The following FGGY variants were observed in gnomAD, a reference collection of about 807,000 sequenced individuals.
FGGY encodes the protein FGGY carbohydrate kinase domain-containing protein.
A neutral mutation model predicts 71.3 loss-of-function variants in FGGY; 72 were observed. The observed-to-expected ratio is 1.01, with a 90% CI of 0.84 to 1.23. The LOEUF is 1.23. FGGY is among the 50% of genes most tolerant of loss of function. The pLI is 0.00. For missense variants in FGGY, 668 were observed against 682.3 expected, an observed-to-expected ratio of 0.98 and a Z score of 0.23; for synonymous variants, 251 against 250.3, an observed-to-expected ratio of 1.00 and a Z score of -0.02.
At chr1:59,533,557 C>CG (rs1553268420) in intron 7 of FGGY, among the ~76,000 whole-genome samples, 3 of 151,978 alleles carry the variant, frequency 2.0e-5, no homozygotes, top group Non-Finnish European at 4.4e-5. Context: ...AGGGAACAGA[C>CG]AAAAAGACAG....
At chr1:59,738,910 C>T (rs936793450) in intron 14 of FGGY, among the ~76,000 whole-genome samples, 7 of 152,204 alleles carry the variant, frequency 4.6e-5, no homozygotes, top group African/African-American at 7.2e-5. Flanking sequence ...TTCCCAGCTT[C>T]GTAGCTCTGA....
At chr1:59,704,324 C>A (rs1051985986) in intron 14 of FGGY, among the ~76,000 whole-genome samples, 1 of 152,040 alleles carries the variant, frequency 6.6e-6, no homozygotes, top group Admixed American at 6.6e-5. Flanking sequence ...TTCTTTAGAT[C>A]ATTGAAAAAT....
chr1:59,743,347 C>T (rs1573942201), intron 14 of FGGY, among the ~76,000 whole-genome samples: 1 of 152,196 alleles, frequency 6.6e-6, no homozygotes, highest in African/African-American at 2.4e-5. Context: ...GTTTCTCCAG[C>T]AGGCTTTAAA....
intron 4 of FGGY, among the ~76,000 whole-genome samples, chr1:59,367,853 A>C (rs920759772): frequency 2.0e-5 from 3 of 152,110 alleles, no homozygotes; most frequent in Non-Finnish European, 2.9e-5. Flanking sequence ...GTGAGCTTTG[A>C]GTAGTAGCCT....
intron 6 of FGGY, among the ~76,000 whole-genome samples, chr1:59,504,165 G>A (rs1019172889): frequency 9.9e-5 from 15 of 152,014 alleles, no homozygotes; most frequent in Admixed American, 3.3e-4. Context: ...GGATGTTCCT[G>A]GAGGGTGGAG....
chr1:59,471,483 T>A (rs1270846333), intron 6 of FGGY, among the ~76,000 whole-genome samples: 1 of 152,228 alleles, frequency 6.6e-6, no homozygotes, highest in Non-Finnish European at 1.5e-5. Flanking sequence ...TGATCTTACC[T>A]TATCCTCTTA....
At chr1:59,576,338 G>A (rs538761712) in intron 8 of FGGY, among the ~76,000 whole-genome samples, 14 of 152,136 alleles carry the variant, frequency 9.2e-5, no homozygotes, top group African/African-American at 3.1e-4. Context: ...TCATAAGCAG[G>A]AGTTGAACAG....
intron 11 of FGGY, chr1:59,641,278 A>G (rs2097023941): frequency 1.2e-6 from 2 of 1,609,044 alleles, no homozygotes; most frequent in Non-Finnish European, 1.7e-6. Flanking sequence ...CGGATTTCTC[A>G]GAGAACCACT....
chr1:59,438,877 T>C (rs1436539705), intron 5 of FGGY, among the ~76,000 whole-genome samples: 1 of 152,208 alleles, frequency 6.6e-6, no homozygotes, highest in Non-Finnish European at 1.5e-5. Context: ...ATTTCCTCAG[T>C]ACCCCTAGCT....
chr1:59,538,090 C>A (rs1482816444), intron 7 of FGGY, among the ~76,000 whole-genome samples: 4 of 152,150 alleles, frequency 2.6e-5, no homozygotes, highest in Admixed American at 6.5e-5. Flanking sequence ...ATTTTCACAA[C>A]CTGCTCATCT....
intron 5 of FGGY, among the ~76,000 whole-genome samples, chr1:59,434,489 A>G (rs1264692527): frequency 6.6e-6 from 1 of 152,218 alleles, no homozygotes; most frequent in Non-Finnish European, 1.5e-5. Flanking sequence ...CAGGGTAGGG[A>G]GGGGCCCAAG....
chr1:59,489,824 A>T (rs938116862), intron 6 of FGGY, among the ~76,000 whole-genome samples: 4 of 152,148 alleles, frequency 2.6e-5, no homozygotes, highest in African/African-American at 4.8e-5. Flanking sequence ...TCTAGTTTAC[A>T]TTCCCACCAA....
chr1:59,435,005 T>C (rs1465963399), intron 5 of FGGY, among the ~76,000 whole-genome samples: 2 of 152,120 alleles, frequency 1.3e-5, no homozygotes, highest in Non-Finnish European at 2.9e-5. Flanking sequence ...ATATAAATAC[T>C]GGGACAGATG....
chr1:59,728,139 A>G (rs1256975303), intron 14 of FGGY, among the ~76,000 whole-genome samples: 1 of 152,034 alleles, frequency 6.6e-6, no homozygotes, highest in East Asian at 1.9e-4. Context: ...TTTCACTGGT[A>G]TTCATCAGGC....
intron 6 of FGGY, among the ~76,000 whole-genome samples, chr1:59,460,609 T>A (rs963051562): frequency 6.6e-6 from 1 of 152,274 alleles, no homozygotes; most frequent in South Asian, 2.1e-4. Flanking sequence ...CTCAAGTGGG[T>A]CCCTCACCCC....
intron 5 of FGGY, among the ~76,000 whole-genome samples, chr1:59,420,371 A>T (rs2065202945): frequency 6.6e-6 from 1 of 152,214 alleles, no homozygotes. Flanking sequence ...GACCCACATT[A>T]GTGAAGTCGT....
Position 59,653,106 on chromosome 1 carries a change from G to C in FGGY, c.1222-7113G>C, listed in dbSNP as rs576350225. On this transcript the variant is annotated intron_variant, in intron 11 of 15. Transcript: ENST00000303721. Reference sequence around the variant, plus strand: ...CGACCCACTTGAGGAGGCAGTCTGCGGGTTCTCAGATCTCCAGCTGCGTGC... The same window carrying C: ...CGACCCACTTGAGGAGGCAGTCTGCCGGTTCTCAGATCTCCAGCTGCGTGC... Among the ~76,000 whole-genome samples, 20 of 152,068 alleles carry C rather than the reference G, an allele frequency of 1.3e-4. 1 individual carries two copies. The East Asian group carries it at 1.8e-3, about 13-fold the overall frequency.
At chr1:59,472,512 G>C (rs769655640) in intron 6 of FGGY, among the ~76,000 whole-genome samples, 1 of 152,262 alleles carries the variant, frequency 6.6e-6, no homozygotes, top group Non-Finnish European at 1.5e-5. Context: ...CTGCAGCCCC[G>C]GTGCGGGATC....
rs557417684 is a variant in FGGY at position 59,402,245 on chromosome 1, A to G, written c.554+23408A>G. Among the ~76,000 whole-genome samples the G allele has an allele frequency of 5.9e-5, 9 of 152,316 alleles. No homozygotes were observed. The South Asian group carries it at 1.9e-3, about 32-fold the overall frequency. ...AGTGTGGAGTGGACAGAGCACGGACATGTAGCTTGGGGTATTGTGAAGGGA... is the reference window on the plus strand; with the variant it reads ...AGTGTGGAGTGGACAGAGCACGGACGTGTAGCTTGGGGTATTGTGAAGGGA... On this transcript the variant is annotated intron_variant, in intron 5 of 15. Transcript: ENST00000303721.
Sources: allele counts gnomAD v4.1 joint callset (sites outside exome capture counted in the v4.1 genomes callset), GRCh38; gene constraint gnomAD v4.1.1; transcripts MANE v1.5; gene names NCBI Gene and HGNC (gene_info 2026-07-23, HGNC 2026-07-21).